Variants in NUP37 observed in about 807,000 individuals in gnomAD.
The protein encoded by NUP37 is nucleoporin Nup37.
Under a neutral mutation model 45.4 loss-of-function variants are expected in NUP37, and 33 were observed. The ratio of observed to expected loss-of-function variants is 0.73; its 90% CI spans 0.55 to 0.97. The LOEUF is 0.97. NUP37 is among the 50% of genes least tolerant of loss of function. The probability of loss-of-function intolerance (pLI) is 0.00; values close to 1 mark genes in which losing one functional copy is unlikely to be tolerated. For missense variants in NUP37, 365 were observed against 389.7 expected (o/e 0.94, Z 0.53); for synonymous variants, 127 against 130.7 (o/e 0.97, Z 0.19).
At chr12:102,074,525 A>G (rs1879114549) in intron 9 of NUP37, 58 bp from the exon 10 acceptor site, 2 of 1,017,676 alleles carry the variant, frequency 2.0e-6, no homozygotes, top group Non-Finnish European at 2.9e-6. Context: ...TAATAAATAA[A>G]AATGACTTTC....
intron 4 of NUP37, among the ~76,000 whole-genome samples, chr12:102,100,697 A>G (rs1444792650): frequency 6.6e-6 from 1 of 152,190 alleles, no homozygotes; most frequent in African/African-American, 2.4e-5. Context: ...ATTTGTTCCC[A>G]TGAAGTTCAA....
chr12:102,085,135 C>T (rs758270454), intron 6 of NUP37, among the ~76,000 whole-genome samples: 2 of 152,124 alleles, frequency 1.3e-5, no homozygotes, highest in Admixed American at 6.6e-5. Flanking sequence ...AAACTGCCTA[C>T]TGGGCCAGGC....
At chr12:102,085,054 G>A (rs1326364731) in intron 6 of NUP37, among the ~76,000 whole-genome samples, 1 of 152,076 alleles carries the variant, frequency 6.6e-6, no homozygotes, top group Non-Finnish European at 1.5e-5. Context: ...AATGTTTTTT[G>A]TTCACACAGT....
At position 102,075,020 on chromosome 12, in the gene NUP37, T is replaced by A. The variant is rs762616573; in HGVS notation, c.848A>T (p.His283Leu). 1 of 1,609,364 alleles carries A rather than the reference T, an allele frequency of 6.2e-7. No homozygotes were observed. The highest frequency in any genetic ancestry group is 1.1e-5 in the South Asian group (1 of 90,492). Residue 283 changes from histidine (H) to leucine (L), a missense_variant, in exon 9 of 10, where the codon CAT becomes CTT. His to Leu is a moderately conservative substitution (Grantham distance 99). Coordinates refer to ENST00000552283, the MANE Select transcript of NUP37 (RefSeq NM_024057.4). Reference sequence around the variant, plus strand: ...CATTACCTGAGGGTGTCCTAAATGATGAATTTGAAACTGGCTTGCCATTTT... The same window carrying A: ...CATTACCTGAGGGTGTCCTAAATGAAGAATTTGAAACTGGCTTGCCATTTT... ...PGKMASQFQI[H>L]HLGHPQPILM...
At chr12:102,114,421 C>T (rs1257503273) in intron 2 of NUP37, among the ~76,000 whole-genome samples, 1 of 152,132 alleles carries the variant, frequency 6.6e-6, no homozygotes. Flanking sequence ...GCACTGTTTG[C>T]CACTGAGCCA....
At chr12:102,114,727 C>T (rs562673293) in intron 2 of NUP37, among the ~76,000 whole-genome samples, 4 of 152,210 alleles carry the variant, frequency 2.6e-5, no homozygotes, top group Admixed American at 2.6e-4. Context: ...TTCTTTCCCC[C>T]CAATGCTTGA....
chr12:102,116,412 TCA>T (rs1880464413), intron 2 of NUP37, among the ~76,000 whole-genome samples: 1 of 152,222 alleles, frequency 6.6e-6, no homozygotes, highest in Admixed American at 6.5e-5. Context: ...TGGTTTTTCC[TCA>T]GTCTTTTTCA....
chr12:102,101,310 T>G (rs1879965914), intron 3 of NUP37, among the ~76,000 whole-genome samples: 1 of 152,214 alleles, frequency 6.6e-6, no homozygotes. Flanking sequence ...CATATTATTT[T>G]ATTTTGAGAA....
intron 5 of NUP37, among the ~76,000 whole-genome samples, chr12:102,094,234 T>C (rs1879739534): frequency 6.6e-6 from 1 of 152,130 alleles, no homozygotes; most frequent in African/African-American, 2.4e-5. Flanking sequence ...CAATTACTGA[T>C]CTTGATTCAA....
intron 6 of NUP37, among the ~76,000 whole-genome samples, chr12:102,083,975 G>T (rs1374784289): frequency 6.6e-6 from 1 of 152,154 alleles, no homozygotes; most frequent in Non-Finnish European, 1.5e-5. Flanking sequence ...GAAGTTAAAA[G>T]GTACAAGTGA....
In NUP37 at chr12:102,118,494, C is replaced by T. The variant is rs1017962054; in HGVS notation, c.25G>A (p.Ala9Thr). ...TCTTCACAATCCACAGTGTAGGCAG[C>T]ATTTCTTGAGGCATCTTGCTTCATC... MKQDASRN[A>T]AYTVDCEDYV... The change falls in exon 2 of 10, where the codon GCT (alanine) becomes ACT (threonine). Residue 9 changes from alanine to threonine, a missense_variant. By Grantham distance (58) the Ala-to-Thr change is moderately conservative. Coordinates refer to ENST00000552283, the MANE Select transcript of NUP37 (RefSeq NM_024057.4). 4 of 1,609,974 alleles carry T rather than the reference C, an allele frequency of 2.5e-6. No homozygotes were observed. Among genetic ancestry groups the T allele is most frequent in the Non-Finnish European group, 3.4e-6 (4 of 1,179,078 alleles).
At chr12:102,091,210 A>T (rs1176064264) in intron 5 of NUP37, among the ~76,000 whole-genome samples, 2 of 151,850 alleles carry the variant, frequency 1.3e-5, no homozygotes, top group African/African-American at 4.8e-5. Flanking sequence ...CAGCCTGACC[A>T]ATATGGTGAA....
At position 102,074,373 on chromosome 12, in the gene NUP37, A is replaced by C; in HGVS notation, c.962T>G (p.Phe321Cys). The C allele has an allele frequency of 6.2e-7, 1 of 1,611,842 alleles. No individual in the cohort carries two copies. Among genetic ancestry groups the C allele is most frequent in the Non-Finnish European group, 8.5e-7 (1 of 1,178,510 alleles). Residue 321 changes from phenylalanine to cysteine, a missense_variant, in exon 10 of 10, where the codon TTT (phenylalanine) becomes TGT (cysteine). Physicochemically the swap from Phe to Cys is radical, Grantham distance 205 (BLOSUM62 -2). Coordinates refer to ENST00000552283, the MANE Select transcript of NUP37 (RefSeq NM_024057.4). ...AACACTTTATACTTCAGTCACCCAAAACAACAGCTTGTGGTCTCCTCCAAT... is the reference window on the plus strand; with the variant it reads ...AACACTTTATACTTCAGTCACCCAACACAACAGCTTGTGGTCTCCTCCAAT... ...CVIGGDHKLL[F>C]WVTEV
chr12:102,075,203 T>C, intron 8 of NUP37, 109 bp from the exon 9 acceptor site: 1 of 619,028 alleles, frequency 1.6e-6, no homozygotes, highest in East Asian at 3.0e-5. Context: ...AGAGACAGGG[T>C]CTTGCTCTGT....
At chr12:102,091,396 T>C (rs1879647013) in intron 5 of NUP37, among the ~76,000 whole-genome samples, 1 of 62,610 alleles carries the variant, frequency 1.6e-5, no homozygotes. Flanking sequence ...AGAGACTCCG[T>C]CTCAAAAAAA....
rs940435343 is a variant in NUP37, at chr12:102,102,566, A to C, written c.282-1462T>G. On this transcript the variant is annotated intron_variant, in intron 3 of 9. Transcript: ENST00000552283. ...CTCACAATCTGTAGGTTGCATCTTC[A>C]CTCTGTTGTTTCCTTTGCTGTGCAG... 7.9e-5 allele frequency among the ~76,000 whole-genome samples: 12 copies of C among 152,144 alleles called. No homozygotes were observed. The East Asian group carries it at 2.1e-3, about 27-fold the overall frequency.
At chr12:102,111,825 A>G (rs2136510) in intron 3 of NUP37, among the ~76,000 whole-genome samples, 22,966 of 152,210 alleles carry the variant, frequency 0.15, 1,829 homozygotes, top group Non-Finnish European at 0.18. Context: ...TTGTAAATTC[A>G]GTGAACAATC....
At chr12:102,115,727 A>T (rs533121903) in intron 2 of NUP37, 2 of 572,342 alleles carry the variant, frequency 3.5e-6, no homozygotes, top group African/African-American at 2.0e-5. Flanking sequence ...CACTATATCT[A>T]CAACGTTTTC....
In NUP37 at chr12:102,075,080, C is replaced by A. The variant is rs1282665735; in HGVS notation, c.788G>T (p.Ser263Ile). Residue 263 changes from serine (S) to isoleucine (I), a missense_variant, in exon 9 of 10, where the codon AGT becomes ATT. Coordinates refer to ENST00000552283, the MANE Select transcript of NUP37 (RefSeq NM_024057.4). ...RACLFRWSTI[S>I]ENLFATTGYP... ...ACCAGTGGTTGCAAACAGATTTTCA[C>A]TAATTGTGGACCACCTAAGAAATAA... 1.9e-6 allele frequency: 3 copies of A among 1,609,224 alleles called. No homozygotes were observed. The highest frequency in any genetic ancestry group is 1.7e-4 in the Middle Eastern group (1 of 6,046).
Sources: allele counts gnomAD v4.1 joint callset (sites outside exome capture counted in the v4.1 genomes callset), GRCh38; gene constraint gnomAD v4.1.1; transcripts MANE v1.5; gene names NCBI Gene and HGNC (gene_info 2026-07-23, HGNC 2026-07-21).